ENTREP2: variants seen among roughly 807,000 people sequenced by gnomAD.
The protein encoded by ENTREP2 is endosomal transmembrane epsin interactor 2, also known as protein ENTREP2.
chr15:29,128,841 C>T, the ENTREP2 span: 8 of 1,550,896 alleles, frequency 5.2e-6, no homozygotes, highest in Non-Finnish European at 7.0e-6. Flanking sequence ...TGGACTCGGC[C>T]ACCTGCTGAC....
At chr15:29,222,850 C>CAA in the ENTREP2 span, among the ~76,000 whole-genome samples, 1 of 152,220 alleles carries the variant, frequency 6.6e-6, no homozygotes, top group African/African-American at 2.4e-5. Flanking sequence ...ACCATAAATA[C>CAA]AAAGCAATAA....
chr15:29,118,987 G>A, the ENTREP2 span, among the ~76,000 whole-genome samples: 1 of 152,182 alleles, frequency 6.6e-6, no homozygotes, highest in Non-Finnish European at 1.5e-5. Context: ...TGTGGGCACT[G>A]ACCACCTTCA....
chr15:29,153,244 T>C, the ENTREP2 span, among the ~76,000 whole-genome samples: 2 of 152,308 alleles, frequency 1.3e-5, no homozygotes, highest in East Asian at 3.9e-4. Context: ...TCCCCCAGAC[T>C]GTAGCTTGTC....
At chr15:29,151,781 T>C in the ENTREP2 span, 1 of 1,551,706 alleles carries the variant, frequency 6.4e-7, no homozygotes. Context: ...CACATGGCTG[T>C]GGCCAGCGCA....
At chr15:29,447,993 G>A in the ENTREP2 span, among the ~76,000 whole-genome samples, 1 of 152,066 alleles carries the variant, frequency 6.6e-6, no homozygotes, top group African/African-American at 2.4e-5. Flanking sequence ...TTGAACCCGG[G>A]ACGTGGAGGC....
chr15:29,179,184 GTCTAACCAGTC>G, the ENTREP2 span, among the ~76,000 whole-genome samples: 2 of 152,186 alleles, frequency 1.3e-5, no homozygotes, highest in African/African-American at 2.4e-5. Flanking sequence ...CTTTACTTTG[GTCTAACCAGTC>G]TCTAAGTAAA....
chr15:29,441,431 T>G, the ENTREP2 span, among the ~76,000 whole-genome samples: 1 of 152,162 alleles, frequency 6.6e-6, no homozygotes, highest in South Asian at 2.1e-4. Flanking sequence ...ATCCCCCAAA[T>G]GCCCAATCCC....
At chr15:29,405,250 A>G in the ENTREP2 span, among the ~76,000 whole-genome samples, 60,274 of 151,778 alleles carry the variant, frequency 0.4, 12,036 homozygotes, top group Middle Eastern at 0.47. Context: ...TTAGCCAGGC[A>G]TGGTGGCATA....
chr15:29,253,255 A>G, the ENTREP2 span, among the ~76,000 whole-genome samples: 1 of 152,152 alleles, frequency 6.6e-6, no homozygotes, highest in Non-Finnish European at 1.5e-5. Context: ...TGGGTTTCCC[A>G]TCCACTTTTT....
At chr15:29,287,370 T>G in the ENTREP2 span, among the ~76,000 whole-genome samples, 1 of 136,910 alleles carries the variant, frequency 7.3e-6, no homozygotes, top group Non-Finnish European at 1.6e-5. Context: ...GAAGAAAGTT[T>G]AGGCAAGACC....
the ENTREP2 span, among the ~76,000 whole-genome samples, chr15:29,259,811 C>CATATATATATATATATATATATATATAT: frequency 7.9e-4 from 118 of 149,366 alleles, 2 homozygotes; most frequent in African/African-American, 2.8e-3. Flanking sequence ...ATCCCATTTA[C>CATATATATATATATATATATATATATAT]ATATATATAT....
the ENTREP2 span, among the ~76,000 whole-genome samples, chr15:29,326,589 T>C: frequency 6.6e-6 from 1 of 152,118 alleles, no homozygotes; most frequent in Non-Finnish European, 1.5e-5. Context: ...AATATAGAGA[T>C]ATTCCATGTT....
chr15:29,488,159 A>G, the ENTREP2 span, among the ~76,000 whole-genome samples: 4,616 of 152,332 alleles, frequency 0.03, 236 homozygotes, highest in African/African-American at 0.11. Context: ...AAAGGAAAGA[A>G]AGGAAAAGGA....
chr15:29,269,891 G>A, the ENTREP2 span: 6 of 556,608 alleles, frequency 1.1e-5, no homozygotes, highest in East Asian at 1.0e-4. Flanking sequence ...CGGCTGCGGC[G>A]GGTACCAAAA....
At chr15:29,475,690 G>A in the ENTREP2 span, among the ~76,000 whole-genome samples, 12,998 of 152,176 alleles carry the variant, frequency 0.085, 631 homozygotes, top group African/African-American at 0.13. Context: ...TTGAAGGGCC[G>A]TACCATCCCG....
chr15:29,369,243 G>A, the ENTREP2 span, among the ~76,000 whole-genome samples: 1 of 152,098 alleles, frequency 6.6e-6, no homozygotes, highest in Non-Finnish European at 1.5e-5. Flanking sequence ...AATGAAATCT[G>A]AGTAGAATAA....
At chr15:29,456,581 G>A in the ENTREP2 span, among the ~76,000 whole-genome samples, 2 of 152,230 alleles carry the variant, frequency 1.3e-5, no homozygotes, top group Non-Finnish European at 2.9e-5. Context: ...TTGGCAAGGT[G>A]CAAGGAGCAT....
chr15:29,633,684 G>C, the ENTREP2 span, among the ~76,000 whole-genome samples: 2 of 152,190 alleles, frequency 1.3e-5, no homozygotes, highest in Non-Finnish European at 2.9e-5. Flanking sequence ...GAGGGGGCCG[G>C]GCACGGTGGC....
the ENTREP2 span, among the ~76,000 whole-genome samples, chr15:29,400,236 T>C: frequency 6.6e-6 from 1 of 152,114 alleles, no homozygotes; most frequent in African/African-American, 2.4e-5. Flanking sequence ...ACAAACAGCT[T>C]TCCTACATAT....
Sources: allele counts gnomAD v4.1 joint callset (sites outside exome capture counted in the v4.1 genomes callset), GRCh38; gene constraint gnomAD v4.1.1; transcripts MANE v1.5; gene names NCBI Gene and HGNC (gene_info 2026-07-23, HGNC 2026-07-21).